Variants in ABLIM3 observed in about 807,000 individuals in gnomAD.
ABLIM3 encodes actin binding LIM protein family member 3.
A neutral mutation model predicts 109.5 loss-of-function variants in ABLIM3; 61 were observed. The ratio of observed to expected loss-of-function variants is 0.56; its 90% CI spans 0.45 to 0.69. The LOEUF (loss-of-function observed/expected upper bound fraction) is 0.69, where lower values mean the gene tolerates loss of function less well. Among genes scored for constraint, ABLIM3 ranks in the 30% least tolerant of loss-of-function variants. ABLIM3 has a pLI of 0.00. For synonymous variants in ABLIM3, 300 were observed against 324.8 expected, an observed-to-expected ratio of 0.92 and a Z score of 0.82; for missense variants, 796 against 889.5, an observed-to-expected ratio of 0.89 and a Z score of 1.34.
intron 17 of ABLIM3, among the ~76,000 whole-genome samples, chr5:149,246,769 G>T (rs1753405901): frequency 2.0e-5 from 3 of 152,142 alleles, no homozygotes; most frequent in Admixed American, 6.5e-5. Flanking sequence ...TCACTTCTGG[G>T]GCTTGCCTCT....
At chr5:149,248,706 A>AG (rs1753640240) in intron 18 of ABLIM3, among the ~76,000 whole-genome samples, 1 of 151,578 alleles carries the variant, frequency 6.6e-6, no homozygotes, top group Non-Finnish European at 1.5e-5. Flanking sequence ...AAAAAAAAAA[A>AG]AAAAGAACGA....
chr5:149,258,153 T>C, intron 23 of ABLIM3, 138 bp from the exon 24 acceptor site: 2 of 634,382 alleles, frequency 3.2e-6, no homozygotes, highest in South Asian at 4.0e-5. Flanking sequence ...TTCCCCAGGC[T>C]CAGGCACCAT....
In ABLIM3 at chr5:149,258,453, A is replaced by T. The variant is rs1268477096; in HGVS notation, c.*49A>T. On this transcript the variant is annotated 3_prime_UTR_variant, in exon 24 of 24. Transcript: ENST00000309868. ...GCATTTATATAAAGATATATGTAAA[A>T]TCTCTCTACTGAAGCTCGGTATAAT... The T allele has an allele frequency of 3.2e-6, 5 of 1,561,260 alleles. No individual in the cohort carries two copies. The highest frequency in any genetic ancestry group is 4.3e-6 in the Non-Finnish European group (5 of 1,159,158).
chr5:149,229,848 C>T (rs900198562), intron 8 of ABLIM3, among the ~76,000 whole-genome samples: 1 of 152,190 alleles, frequency 6.6e-6, no homozygotes, highest in African/African-American at 2.4e-5. Context: ...CCAAATTGGC[C>T]TTTCGGGTTT....
chr5:149,184,761 A>G (rs1756790763), intron 3 of ABLIM3, among the ~76,000 whole-genome samples: 1 of 152,200 alleles, frequency 6.6e-6, no homozygotes, highest in Non-Finnish European at 1.5e-5. Flanking sequence ...TTTTTATTTC[A>G]GTAACTGCCT....
In ABLIM3 at chr5:149,147,015, G is replaced by A. The variant is rs139925862; in HGVS notation, c.13+4907G>A. The stretch of plus-strand genomic sequence containing the variant: ...TCAGTGGTGTTTTGTAGTTCTCCTC[G>A]AAGAGATCTTTCACCTCCTTGGTTA... On this transcript the variant is annotated intron_variant, in intron 2 of 23. Transcript: ENST00000309868. Among the ~76,000 whole-genome samples the A allele has an allele frequency of 2.8e-3, 430 of 151,872 alleles. 2 individuals are homozygous for A. Among genetic ancestry groups the A allele is most frequent in the African/African-American group, 0.01 (422 of 41,384 alleles).
At chr5:149,187,662 A>G (rs1257245654) in intron 3 of ABLIM3, among the ~76,000 whole-genome samples, 1 of 152,062 alleles carries the variant, frequency 6.6e-6, no homozygotes, top group East Asian at 1.9e-4. Context: ...ACATTTTTCA[A>G]TTACCTACTC....
chr5:149,164,160 C>T (rs184446268), intron 2 of ABLIM3: 112 of 152,246 alleles, frequency 7.4e-4, no homozygotes, highest in African/African-American at 2.7e-3. Flanking sequence ...TTGTGATTTC[C>T]ATTACAGCGT....
chr5:149,193,308 T>C (rs1034213402), intron 3 of ABLIM3, among the ~76,000 whole-genome samples: 4 of 151,856 alleles, frequency 2.6e-5, no homozygotes, highest in Non-Finnish European at 5.9e-5. Flanking sequence ...ACAGAATAAA[T>C]ATAGAAAAAA....
chr5:149,257,692 AAG>A lies in ABLIM3; in HGVS notation c.1939-596_1939-595del, dbSNP rs376826979. On this transcript the variant is annotated intron_variant, in intron 23 of 23. Coordinates refer to ENST00000309868, the MANE Select transcript of ABLIM3 (RefSeq NM_014945.5). The stretch of plus-strand genomic sequence containing the variant: ...AAGGGAGGAAGGGAAGGAGGGCAGA[AAG>A]AGGGGAAAATCCACTATAGAATGCA... Among the ~76,000 whole-genome samples the A allele has an allele frequency of 2.0e-3, 312 of 152,346 alleles. 5 individuals are homozygous for A. The highest frequency in any genetic ancestry group is 6.8e-3 in the African/African-American group (283 of 41,580).
intron 8 of ABLIM3, among the ~76,000 whole-genome samples, chr5:149,226,275 G>C (rs1431451283): frequency 6.6e-6 from 1 of 151,856 alleles, no homozygotes; most frequent in Admixed American, 6.6e-5. Context: ...CATGAGGTCA[G>C]GATATCGAGA....
intron 8 of ABLIM3, among the ~76,000 whole-genome samples, chr5:149,221,786 T>A (rs1221905808): frequency 6.6e-6 from 1 of 151,664 alleles, no homozygotes; most frequent in African/African-American, 2.4e-5. Context: ...TCAGTGAGAG[T>A]TTTTTTAAAA....
intron 2 of ABLIM3, among the ~76,000 whole-genome samples, chr5:149,154,270 C>T (rs940710270): frequency 5.3e-5 from 8 of 152,218 alleles, no homozygotes; most frequent in African/African-American, 1.7e-4. Flanking sequence ...TCTAAAGCAA[C>T]CATAAAATTA....
chr5:149,242,587 G>T, intron 15 of ABLIM3, 49 bp downstream of exon 15: 1 of 1,601,116 alleles, frequency 6.2e-7, no homozygotes. Context: ...GAGGGGGGAG[G>T]TTAACCATCT....
At chr5:149,144,251 G>A (rs1268509748) in intron 2 of ABLIM3, among the ~76,000 whole-genome samples, 1 of 152,184 alleles carries the variant, frequency 6.6e-6, no homozygotes, top group Admixed American at 6.5e-5. Flanking sequence ...CCCCCCAGGA[G>A]GAAGTGCTTC....
At chr5:149,250,392 G>A in intron 19 of ABLIM3, 55 bp from the exon 20 acceptor site, 2 of 1,581,108 alleles carry the variant, frequency 1.3e-6, no homozygotes, top group East Asian at 2.2e-5. Context: ...TGACCTCAGG[G>A]AGAGGGACTC....
chr5:149,233,328 G>T, intron 10 of ABLIM3, 28 bp downstream of exon 10: 1 of 1,608,632 alleles, frequency 6.2e-7, no homozygotes. Flanking sequence ...ACCACCAAAG[G>T]GCCTTCTTTA....
At chr5:149,143,518 C>A (rs1752672490) in intron 2 of ABLIM3, among the ~76,000 whole-genome samples, 1 of 151,346 alleles carries the variant, frequency 6.6e-6, no homozygotes, top group African/African-American at 2.4e-5. Flanking sequence ...ACACACCCCA[C>A]CCCACCCCCA....
chr5:149,208,505 G>A (rs1759241920), intron 6 of ABLIM3, among the ~76,000 whole-genome samples: 1 of 151,980 alleles, frequency 6.6e-6, no homozygotes, highest in Non-Finnish European at 1.5e-5. Flanking sequence ...CTCCCCAAGT[G>A]CTAGCAAAGA....
Sources: allele counts gnomAD v4.1 joint callset (sites outside exome capture counted in the v4.1 genomes callset), GRCh38; gene constraint gnomAD v4.1.1; transcripts MANE v1.5; gene names NCBI Gene and HGNC (gene_info 2026-07-23, HGNC 2026-07-21).